Variants in COL24A1 observed in about 807,000 individuals in gnomAD.
COL24A1 encodes collagen alpha-1(XXIV) chain.
In COL24A1, 224 loss-of-function variants were observed where a neutral mutation model predicts 253.9. The ratio of observed to expected loss-of-function variants is 0.88; its 90% CI spans 0.79 to 0.99. The LOEUF (loss-of-function observed/expected upper bound fraction) is 0.99, where lower values mean the gene tolerates loss of function less well. COL24A1 is among the 50% of genes least tolerant of loss of function. The pLI is 0.00. For synonymous variants in COL24A1, 685 were observed against 673.7 expected, an observed-to-expected ratio of 1.02 and a Z score of -0.26; for missense variants, 2,131 against 2,068.5, an observed-to-expected ratio of 1.03 and a Z score of -0.59.
intron 2 of COL24A1, among the ~76,000 whole-genome samples, chr1:86,131,080 G>A (rs1169551014): frequency 6.6e-6 from 1 of 151,912 alleles, no homozygotes; most frequent in Non-Finnish European, 1.5e-5. Flanking sequence ...TCTTGCAGCT[G>A]CTGTTCCATG....
At chr1:85,803,587 CTT>C (rs35131423) in intron 47 of COL24A1, among the ~76,000 whole-genome samples, 4,011 of 148,632 alleles carry the variant, frequency 0.027, 173 homozygotes, top group African/African-American at 0.093. Context: ...TAGGTTTGCA[CTT>C]TTTTTTTTTG....
At chr1:85,880,792 T>C (rs965786962) in intron 32 of COL24A1, among the ~76,000 whole-genome samples, 3 of 152,142 alleles carry the variant, frequency 2.0e-5, no homozygotes, top group Admixed American at 6.6e-5. Context: ...TCATATTACA[T>C]TTTCATTTAG....
intron 47 of COL24A1, among the ~76,000 whole-genome samples, chr1:85,810,274 G>T (rs1672396696): frequency 6.6e-6 from 1 of 152,086 alleles, no homozygotes; most frequent in Admixed American, 6.6e-5. Context: ...GGCAATGGTT[G>T]GAAGTTACCC....
intron 5 of COL24A1, among the ~76,000 whole-genome samples, chr1:86,110,312 C>G (rs1204359118): frequency 6.6e-6 from 1 of 151,576 alleles, no homozygotes; most frequent in African/African-American, 2.4e-5. Context: ...TTCAAGGTAA[C>G]CAACCTGTGT....
chr1:85,860,118 A>G (rs955606107), intron 37 of COL24A1, among the ~76,000 whole-genome samples: 36 of 152,164 alleles, frequency 2.4e-4, no homozygotes, highest in African/African-American at 7.5e-4. Flanking sequence ...ATCACATCAT[A>G]TCTATTTTTA....
chr1:85,997,053 GTGTATA>G (rs1169049512), intron 19 of COL24A1, among the ~76,000 whole-genome samples: 5 of 64,744 alleles, frequency 7.7e-5, no homozygotes, highest in Admixed American at 1.5e-4. Flanking sequence ...GTGTGTGTGT[GTGTATA>G]TATATATATA....
chr1:85,923,458 AC>A (rs760409502), intron 24 of COL24A1, among the ~76,000 whole-genome samples: 1 of 152,192 alleles, frequency 6.6e-6, no homozygotes, highest in Non-Finnish European at 1.5e-5. Flanking sequence ...AACAGAAATC[AC>A]AATAAACTCT....
chr1:85,945,023 T>TTTG (rs1689187960), intron 24 of COL24A1, among the ~76,000 whole-genome samples: 1 of 101,148 alleles, frequency 9.9e-6, no homozygotes. Flanking sequence ...TTTTTTTTTT[T>TTTG]TTTTTTTTTT....
At chr1:85,872,152 T>C (rs1459241128) in intron 35 of COL24A1, among the ~76,000 whole-genome samples, 9 of 152,164 alleles carry the variant, frequency 5.9e-5, no homozygotes, top group Non-Finnish European at 1.2e-4. Flanking sequence ...GTGAAGGACC[T>C]CTTCAAGGAG....
At chr1:85,956,328 A>G (rs578615) in intron 24 of COL24A1, among the ~76,000 whole-genome samples, 79,225 of 152,006 alleles carry the variant, frequency 0.52, 21,230 homozygotes, top group African/African-American at 0.58. Flanking sequence ...AACCCAGCTC[A>G]GAATCAGTCA....
chr1:86,108,521 G>A (rs565151357), intron 5 of COL24A1, among the ~76,000 whole-genome samples: 1 of 147,332 alleles, frequency 6.8e-6, no homozygotes, highest in Admixed American at 7.0e-5. Context: ...GGTGGCTCAC[G>A]CCTGTACTCC....
chr1:86,046,943 T>A, intron 11 of COL24A1, 74 bp from the exon 12 acceptor site: 1 of 862,948 alleles, frequency 1.2e-6, no homozygotes, highest in African/African-American at 1.7e-5. Context: ...TTTCTCCCAA[T>A]ATAAAGCAAT....
At chr1:86,059,025 T>C (rs924785867) in intron 9 of COL24A1, 96 bp downstream of exon 9, 16 of 734,260 alleles carry the variant, frequency 2.2e-5, no homozygotes, top group Admixed American at 9.8e-5. Flanking sequence ...CATTATTTAA[T>C]AAAAAAACTA....
Position 86,017,198 on chromosome 1 carries a change from T to C in COL24A1, c.2263A>G (p.Thr755Ala). ...MRGKSGPSGQ[T>A]GDPGLQGPSG... ...GGTCCTTGGAGTCCTGGGTCACCTG[T>C]TTGGCCCTAAAATGGGGGGGGAGGA... The change falls in exon 19 of 60, where the codon ACA becomes GCA. Residue 755 changes from threonine to alanine, a missense_variant. Transcript: ENST00000370571. 1.3e-6 allele frequency: 2 copies of C among 1,563,174 alleles called. No individual in the cohort carries two copies. Among genetic ancestry groups the C allele is most frequent in the Non-Finnish European group, 1.7e-6 (2 of 1,163,618 alleles).
intron 19 of COL24A1, among the ~76,000 whole-genome samples, chr1:86,012,953 ATGGTGG>A (rs34650831): frequency 2.0e-5 from 3 of 151,690 alleles, no homozygotes; most frequent in Admixed American, 1.3e-4. Context: ...GTCTTCAATT[ATGGTGG>A]TGGTGGTGGT....
At chr1:86,048,053 A>G (rs1424990174) in intron 11 of COL24A1, among the ~76,000 whole-genome samples, 4 of 152,202 alleles carry the variant, frequency 2.6e-5, no homozygotes, top group African/African-American at 7.2e-5. Context: ...CTTTATGTAT[A>G]TTTACATAAT....
chr1:86,057,499 T>C (rs1700755055), intron 10 of COL24A1, among the ~76,000 whole-genome samples: 1 of 152,218 alleles, frequency 6.6e-6, no homozygotes, highest in Non-Finnish European at 1.5e-5. Flanking sequence ...AAATGGGATG[T>C]TCTGGATACA....
At chr1:86,004,194 A>T (rs1695710637) in intron 19 of COL24A1, among the ~76,000 whole-genome samples, 2 of 152,188 alleles carry the variant, frequency 1.3e-5, no homozygotes, top group Admixed American at 1.3e-4. Flanking sequence ...AATTTCTTAC[A>T]TTGGGCACCT....
chr1:86,145,985 C>T (rs998334046), intron 2 of COL24A1, 134 bp downstream of exon 2: 2 of 598,304 alleles, frequency 3.3e-6, no homozygotes, highest in Non-Finnish European at 5.5e-6. Flanking sequence ...CTTACATTCT[C>T]ATGGTACTGG....
Sources: gnomAD v4.1 joint callset for allele counts (sites outside exome capture counted in the v4.1 genomes callset) on GRCh38, gnomAD v4.1.1 for gene constraint, MANE v1.5 for transcripts, NCBI Gene and HGNC (gene_info 2026-07-23, HGNC 2026-07-21) for gene names.